Variants in PHF20 observed in about 807,000 individuals in gnomAD.
PHF20 encodes PHD finger protein 20.
In PHF20, 23 loss-of-function variants were observed where a neutral mutation model predicts 113.5. That is an observed-to-expected ratio of 0.20 (90% CI 0.15 to 0.29). PHF20 has a LOEUF of 0.29. Among genes scored for constraint, PHF20 ranks in the 10% least tolerant of loss-of-function variants. The pLI, the probability that PHF20 is intolerant of heterozygous loss-of-function variation, is 1.00. For missense variants in PHF20, 943 were observed against 1,219.6 expected (o/e 0.77, Z 3.38); for synonymous variants, 434 against 457.3 (o/e 0.95, Z 0.65).
At chr20:35,834,159 T>G (rs556179987) in intron 2 of PHF20, among the ~76,000 whole-genome samples, 1 of 151,346 alleles carries the variant, frequency 6.6e-6, no homozygotes, top group African/African-American at 2.4e-5. Flanking sequence ...CTGTCCAGCC[T>G]GGGCTGGACA....
chr20:35,800,419 C>CCTT (rs10659224), intron 1 of PHF20, among the ~76,000 whole-genome samples: 149,331 of 152,170 alleles, frequency 0.98, 73,340 homozygotes, highest in Middle Eastern at 1. Flanking sequence ...GAGCGAGACT[C>CCTT]CTCAAAAAAC....
At chr20:35,928,208 G>A (rs1043184986) in intron 14 of PHF20, among the ~76,000 whole-genome samples, 5 of 151,908 alleles carry the variant, frequency 3.3e-5, no homozygotes, top group Non-Finnish European at 5.9e-5. Flanking sequence ...GGAGGCCAAG[G>A]CGGGTGAATC....
chr20:35,794,168 G>A (rs1328123696), intron 1 of PHF20, among the ~76,000 whole-genome samples: 2 of 151,720 alleles, frequency 1.3e-5, no homozygotes, highest in South Asian at 2.1e-4. Flanking sequence ...AGGCGTGGTG[G>A]CACATACCTG....
chr20:35,944,832 G>A (rs1296949436), intron 17 of PHF20, among the ~76,000 whole-genome samples: 1 of 152,172 alleles, frequency 6.6e-6, no homozygotes, highest in African/African-American at 2.4e-5. Context: ...CTCCCAAGGT[G>A]TTGGGATTAC....
chr20:35,875,164 T>C (rs962327538), intron 9 of PHF20, among the ~76,000 whole-genome samples: 3 of 151,868 alleles, frequency 2.0e-5, no homozygotes, highest in African/African-American at 7.3e-5. Flanking sequence ...CTCGGATGCC[T>C]AGGCGGGCAG....
chr20:35,881,021 A>AAGTTCCAG (rs933473111), intron 9 of PHF20, among the ~76,000 whole-genome samples: 1 of 149,596 alleles, frequency 6.7e-6, no homozygotes, highest in African/African-American at 2.5e-5. Flanking sequence ...GTTTAAAAAT[A>AAGTTCCAG]AGTTCCAGAC....
intron 15 of PHF20, among the ~76,000 whole-genome samples, chr20:35,934,444 G>A (rs369870646): frequency 3.5e-4 from 53 of 152,376 alleles, no homozygotes; most frequent in African/African-American, 1.1e-3. Context: ...GATTCCATCC[G>A]TTGGGTTGGG....
intron 13 of PHF20, among the ~76,000 whole-genome samples, chr20:35,926,382 C>T (rs934876619): frequency 7.9e-5 from 12 of 151,244 alleles, no homozygotes; most frequent in East Asian, 2.0e-4. Context: ...GGACTACAGG[C>T]GCCCGCCACC....
intron 4 of PHF20, among the ~76,000 whole-genome samples, chr20:35,854,772 C>T (rs910265176): frequency 6.6e-6 from 1 of 152,096 alleles, no homozygotes; most frequent in Non-Finnish European, 1.5e-5. Context: ...GAGCAATAGG[C>T]AGTGCGGGGT....
At chr20:35,900,844 C>G (rs2055081635) in intron 10 of PHF20, among the ~76,000 whole-genome samples, 1 of 152,000 alleles carries the variant, frequency 6.6e-6, no homozygotes, top group African/African-American at 2.4e-5. Flanking sequence ...CTCAAAACAA[C>G]AACCAAATAA....
At chr20:35,929,413 C>T (rs1489689366) in intron 14 of PHF20, among the ~76,000 whole-genome samples, 1 of 152,256 alleles carries the variant, frequency 6.6e-6, no homozygotes, top group East Asian at 1.9e-4. Context: ...GAAGATTTGA[C>T]AGGTGAACAA....
At chr20:35,933,897 A>G (rs1268720877) in intron 15 of PHF20, among the ~76,000 whole-genome samples, 2 of 152,216 alleles carry the variant, frequency 1.3e-5, no homozygotes, top group East Asian at 3.9e-4. Flanking sequence ...TGAGTGGGGT[A>G]GGCCTCTTCC....
chr20:35,943,091 G>A (rs904575875), intron 17 of PHF20, among the ~76,000 whole-genome samples: 1 of 152,134 alleles, frequency 6.6e-6, no homozygotes, highest in Non-Finnish European at 1.5e-5. Flanking sequence ...CCAAAGTGCT[G>A]GGATTATAGA....
At chr20:35,870,528 A>T (rs537235700) in intron 7 of PHF20, among the ~76,000 whole-genome samples, 2 of 152,120 alleles carry the variant, frequency 1.3e-5, no homozygotes, top group African/African-American at 4.8e-5. Context: ...GATTTAAAAA[A>T]ATACCCTCTG....
chr20:35,862,697 C>T (rs1400781223), intron 5 of PHF20, among the ~76,000 whole-genome samples: 1 of 152,118 alleles, frequency 6.6e-6, no homozygotes, highest in Non-Finnish European at 1.5e-5. Context: ...TGTGCCACTG[C>T]ATTCCAGCCT....
chr20:35,943,462 C>G (rs188391120), intron 17 of PHF20, among the ~76,000 whole-genome samples: 2 of 148,656 alleles, frequency 1.3e-5, no homozygotes, highest in East Asian at 3.9e-4. Flanking sequence ...TCACTGTACT[C>G]CAGCCTGGGT....
intron 16 of PHF20, among the ~76,000 whole-genome samples, chr20:35,939,872 C>T (rs764238782): frequency 2.0e-5 from 3 of 152,192 alleles, no homozygotes; most frequent in Non-Finnish European, 2.9e-5. Context: ...TTACAAGCCC[C>T]TCAAGGGAGG....
intron 2 of PHF20, among the ~76,000 whole-genome samples, chr20:35,809,023 C>G (rs1242174300): frequency 6.6e-6 from 1 of 151,030 alleles, no homozygotes; most frequent in East Asian, 2.0e-4. Flanking sequence ...GAGGCCAAGG[C>G]GGGTGGATCA....
chr20:35,899,425 C>T lies in PHF20; in HGVS notation c.1338C>T (p.Val446=), dbSNP rs1049701437. Residue 446 remains valine, a synonymous_variant, in exon 10 of 18, where the codon GTC becomes GTT. Coordinates refer to ENST00000374012, the MANE Select transcript of PHF20 (RefSeq NM_016436.5). ...DDFGSSNAPA[V]DLDHKFRCKV... is the part of the protein sequence containing the mutation. ...TTGGGTCATCTAATGCACCAGCTGTCGACCTAGACCATAAGTTTAGATGCA... is the reference window on the plus strand; with the variant it reads ...TTGGGTCATCTAATGCACCAGCTGTTGACCTAGACCATAAGTTTAGATGCA... The T allele has an allele frequency of 8.1e-6, 13 of 1,613,598 alleles. No individual in the cohort carries two copies. The highest frequency in any genetic ancestry group is 2.7e-5 in the African/African-American group (2 of 74,900).
Sources: allele counts gnomAD v4.1 joint callset (sites outside exome capture counted in the v4.1 genomes callset), GRCh38; gene constraint gnomAD v4.1.1; transcripts MANE v1.5; gene names NCBI Gene and HGNC (gene_info 2026-07-23, HGNC 2026-07-21).